ASTN2: variants seen among roughly 807,000 people sequenced by gnomAD.
ASTN2 encodes the protein astrotactin-2.
ASTN2 carries 54 observed loss-of-function variants against 139.8 expected under a neutral mutation model. The observed-to-expected ratio is 0.39, with a 90% CI of 0.31 to 0.48. The LOEUF (loss-of-function observed/expected upper bound fraction) is 0.48, where lower values mean the gene tolerates loss of function less well. Ranked by LOEUF, ASTN2 falls within the 20% of genes least tolerant of loss-of-function variation. The probability of loss-of-function intolerance (pLI) is 0.95; values close to 1 mark genes in which losing one functional copy is unlikely to be tolerated. For missense variants in ASTN2, 1,565 were observed against 1,725.1 expected (o/e 0.91, Z 1.64); for synonymous variants, 756 against 719.5 (o/e 1.05, Z -0.81).
At chr9:117,026,490 T>C (rs1013792643) in intron 6 of ASTN2, among the ~76,000 whole-genome samples, 1 of 152,152 alleles carries the variant, frequency 6.6e-6, no homozygotes, top group African/African-American at 2.4e-5. Context: ...GGATCCCAGG[T>C]GGCAGATGCC....
At chr9:116,933,979 C>CTTTTTTTATTTTTTTTTTT (rs1834987342) in intron 10 of ASTN2, among the ~76,000 whole-genome samples, 1 of 86,910 alleles carries the variant, frequency 1.2e-5, no homozygotes, top group Non-Finnish European at 2.2e-5. Context: ...AGTGTTAGTC[C>CTTTTTTTATTTTTTTTTTT]TTTTTTTTTT....
chr9:117,100,298 G>A (rs1333199973), intron 4 of ASTN2, among the ~76,000 whole-genome samples: 1 of 145,362 alleles, frequency 6.9e-6, no homozygotes, highest in Non-Finnish European at 1.5e-5. Flanking sequence ...AAAGTACCAT[G>A]TGTTCAGAGT....
At chr9:116,607,669 TAACACACACACA>T (rs1855278130) in intron 19 of ASTN2, among the ~76,000 whole-genome samples, 1 of 108,938 alleles carries the variant, frequency 9.2e-6, no homozygotes, top group African/African-American at 3.5e-5. Context: ...ATTAAGAAAT[TAACACACACACA>T]CACACACACA....
chr9:116,837,207 G>A (rs1832028809), intron 11 of ASTN2, among the ~76,000 whole-genome samples: 1 of 152,200 alleles, frequency 6.6e-6, no homozygotes, highest in African/African-American at 2.4e-5. Flanking sequence ...CTTGAGAAAG[G>A]GAGTGAGTCA....
chr9:117,362,390 C>T (rs1829716717), intron 1 of ASTN2, among the ~76,000 whole-genome samples: 1 of 152,112 alleles, frequency 6.6e-6, no homozygotes, highest in Non-Finnish European at 1.5e-5. Flanking sequence ...AAACCTGTGT[C>T]ATCCAAGTTA....
chr9:116,944,572 C>A (rs1019042682), intron 10 of ASTN2, among the ~76,000 whole-genome samples: 2 of 149,370 alleles, frequency 1.3e-5, no homozygotes, highest in Non-Finnish European at 3.0e-5. Flanking sequence ...ATCCCAGCTA[C>A]TTGGGAGGCT....
At chr9:117,087,242 G>A (rs564893962) in intron 5 of ASTN2, among the ~76,000 whole-genome samples, 1 of 151,320 alleles carries the variant, frequency 6.6e-6, no homozygotes, top group Non-Finnish European at 1.5e-5. Flanking sequence ...TTGTTTGTTT[G>A]TTTGTTTTTT....
At chr9:117,193,056 G>A (rs537955744) in intron 3 of ASTN2, among the ~76,000 whole-genome samples, 9 of 152,256 alleles carry the variant, frequency 5.9e-5, no homozygotes, top group African/African-American at 1.7e-4. Context: ...AGCACACAGT[G>A]GGTGATGGTA....
At chr9:117,005,670 C>T (rs755597017) in intron 7 of ASTN2, among the ~76,000 whole-genome samples, 4 of 152,176 alleles carry the variant, frequency 2.6e-5, no homozygotes, top group Non-Finnish European at 5.9e-5. Context: ...ACTTCCTTTA[C>T]AGGTATCATT....
intron 20 of ASTN2, among the ~76,000 whole-genome samples, chr9:116,448,250 T>A (rs1416627397): frequency 6.6e-6 from 1 of 152,126 alleles, no homozygotes; most frequent in African/African-American, 2.4e-5. Flanking sequence ...GCAAACAACT[T>A]CCACTTAGCT....
At chr9:117,144,030 A>G (rs1373136149) in intron 3 of ASTN2, among the ~76,000 whole-genome samples, 1 of 152,142 alleles carries the variant, frequency 6.6e-6, no homozygotes, top group African/African-American at 2.4e-5. Context: ...GGGTTTTAGC[A>G]GGTAATTAAG....
intron 3 of ASTN2, among the ~76,000 whole-genome samples, chr9:117,149,180 C>T (rs10983549): frequency 5.3e-5 from 8 of 151,796 alleles, no homozygotes; most frequent in Middle Eastern, 3.4e-3. Context: ...CCACCATGTC[C>T]GGCTAATTTT....
intron 10 of ASTN2, among the ~76,000 whole-genome samples, chr9:116,901,902 C>T (rs976002829): frequency 6.6e-6 from 1 of 152,046 alleles, no homozygotes; most frequent in African/African-American, 2.4e-5. Flanking sequence ...GTGGTATGTG[C>T]CTATAATCCC....
At chr9:117,381,709 C>T (rs1051068470) in intron 1 of ASTN2, among the ~76,000 whole-genome samples, 1 of 152,092 alleles carries the variant, frequency 6.6e-6, no homozygotes, top group African/African-American at 2.4e-5. Context: ...TATAAATTAC[C>T]CAGTCTCCAG....
intron 10 of ASTN2, among the ~76,000 whole-genome samples, chr9:116,925,691 T>C (rs769645234): frequency 2.1e-5 from 3 of 145,016 alleles, no homozygotes; most frequent in Non-Finnish European, 4.6e-5. Context: ...GCTACTCCTA[T>C]TTTTCCATGT....
intron 13 of ASTN2, among the ~76,000 whole-genome samples, chr9:116,742,411 C>T (rs1829118790): frequency 6.6e-6 from 1 of 152,210 alleles, no homozygotes; most frequent in Non-Finnish European, 1.5e-5. Context: ...AGAGGAAAGT[C>T]AAGTGGCTGA....
chr9:116,425,250 T>G lies in ASTN2; in HGVS notation c.*601A>C, dbSNP rs997015710. On this transcript the variant is annotated 3_prime_UTR_variant, in exon 23 of 23. Transcript: ENST00000313400. ...AAAGAGAGACAATAGGAATTTTTAA[T>G]GCATGGACAGGCCTGCAGGGACTCT... 4 of 347,274 alleles carry G rather than the reference T, an allele frequency of 1.2e-5. No individual in the cohort carries two copies. Among genetic ancestry groups the G allele is most frequent in the Admixed American group, 9.3e-5 (2 of 21,406 alleles). The allele number at this position is 347,274 out of a possible 1,614,324, so 21.5% of individuals were successfully genotyped here.
chr9:117,413,567 G>C (rs977739836), intron 1 of ASTN2, among the ~76,000 whole-genome samples: 1 of 152,120 alleles, frequency 6.6e-6, no homozygotes, highest in Non-Finnish European at 1.5e-5. Flanking sequence ...CAATTACCCG[G>C]GTGGGAAATC....
intron 13 of ASTN2, among the ~76,000 whole-genome samples, chr9:116,737,209 A>G (rs745622654): frequency 5.3e-5 from 8 of 152,230 alleles, no homozygotes; most frequent in African/African-American, 7.2e-5. Flanking sequence ...GGCGATGGCC[A>G]CAAGTCCTGC....
Sources: gnomAD v4.1 joint callset for allele counts (sites outside exome capture counted in the v4.1 genomes callset) on GRCh38, gnomAD v4.1.1 for gene constraint, MANE v1.5 for transcripts, NCBI Gene and HGNC (gene_info 2026-07-23, HGNC 2026-07-21) for gene names.